The following MPPED2 variants were observed in gnomAD, a reference collection of about 807,000 sequenced individuals.
MPPED2 encodes metallophosphoesterase MPPED2.
Under a neutral mutation model 33.0 loss-of-function variants are expected in MPPED2, and 5 were observed. That is an observed-to-expected ratio of 0.15 (90% CI 0.08 to 0.32). The LOEUF is 0.32. MPPED2 is among the 10% of genes least tolerant of loss of function. The pLI, the probability that MPPED2 is intolerant of heterozygous loss-of-function variation, is 1.00. For synonymous variants in MPPED2, 136 were observed against 141.9 expected (o/e 0.96, Z 0.29); for missense variants, 275 against 372.1 (o/e 0.74, Z 2.15).
At chr11:30,397,571 A>G (rs1947853910) in intron 6 of MPPED2, among the ~76,000 whole-genome samples, 2 of 152,156 alleles carry the variant, frequency 1.3e-5, no homozygotes. Context: ...ACAACCACTG[A>G]CATTCATAAA....
intron 1 of MPPED2, among the ~76,000 whole-genome samples, chr11:30,580,892 C>G (rs980839787): frequency 1.3e-5 from 2 of 152,166 alleles, no homozygotes. Flanking sequence ...GTTGGTGTCA[C>G]GTAATCATTT....
Position 30,510,118 on chromosome 11 carries a change from A to G in MPPED2, c.311-14597T>C, listed in dbSNP as rs557514128. On this transcript the variant is annotated intron_variant, in intron 3 of 6. Transcript: ENST00000358117. ...ATAGTCACTCATTTCTTCTTATTTC[A>G]TAGACACAGAGGACTAATCAAATTT... Among the ~76,000 whole-genome samples, 18 of 152,294 alleles carry G rather than the reference A, an allele frequency of 1.2e-4. No individual in the cohort carries two copies. The South Asian group carries it at 3.7e-3, about 32-fold the overall frequency.
chr11:30,434,027 T>C (rs1389647965), intron 4 of MPPED2, among the ~76,000 whole-genome samples: 3 of 152,132 alleles, frequency 2.0e-5, no homozygotes, highest in South Asian at 2.1e-4. Flanking sequence ...TCTGCTTCTG[T>C]GGCCACAACT....
chr11:30,455,194 T>C (rs561411993), intron 4 of MPPED2, among the ~76,000 whole-genome samples: 14 of 152,342 alleles, frequency 9.2e-5, no homozygotes, highest in Admixed American at 3.3e-4. Context: ...ATTGCTGCAA[T>C]GACAGGTGAG....
chr11:30,474,333 C>T (rs1451159506), intron 4 of MPPED2, among the ~76,000 whole-genome samples: 2 of 152,158 alleles, frequency 1.3e-5, no homozygotes, highest in Non-Finnish European at 2.9e-5. Context: ...TGAGGTTCCT[C>T]TTAGTGACGT....
chr11:30,554,792 G>C (rs1030269926), intron 2 of MPPED2, among the ~76,000 whole-genome samples: 1 of 152,162 alleles, frequency 6.6e-6, no homozygotes, highest in African/African-American at 2.4e-5. Context: ...ACCATGCCCA[G>C]CCTGCACCAC....
At chr11:30,544,881 G>T (rs569474880) in intron 2 of MPPED2, among the ~76,000 whole-genome samples, 2 of 152,160 alleles carry the variant, frequency 1.3e-5, no homozygotes, top group Non-Finnish European at 2.9e-5. Flanking sequence ...GAAAAAAGAC[G>T]CATGAGAGTG....
At chr11:30,531,651 G>T (rs1954533027) in intron 3 of MPPED2, among the ~76,000 whole-genome samples, 1 of 152,126 alleles carries the variant, frequency 6.6e-6, no homozygotes, top group South Asian at 2.1e-4. Context: ...CTGTTCTTTG[G>T]AGCTTACATG....
chr11:30,545,129 G>A (rs1023817576), intron 2 of MPPED2, among the ~76,000 whole-genome samples: 3 of 152,130 alleles, frequency 2.0e-5, no homozygotes, highest in Non-Finnish European at 2.9e-5. Flanking sequence ...CTTGAACCTG[G>A]AGGGCATGGA....
chr11:30,470,447 T>A (rs1005684394), intron 4 of MPPED2, among the ~76,000 whole-genome samples: 1 of 152,148 alleles, frequency 6.6e-6, no homozygotes, highest in Non-Finnish European at 1.5e-5. Flanking sequence ...AAATGGCCAT[T>A]AGTAGAATTA....
intron 4 of MPPED2, among the ~76,000 whole-genome samples, chr11:30,489,792 T>C (rs1200693694): frequency 6.6e-6 from 1 of 152,226 alleles, no homozygotes; most frequent in Non-Finnish European, 1.5e-5. Flanking sequence ...TCTGTATTTC[T>C]GTTCAAGAGA....
At chr11:30,555,554 T>C (rs1955924950) in intron 2 of MPPED2, among the ~76,000 whole-genome samples, 1 of 152,158 alleles carries the variant, frequency 6.6e-6, no homozygotes, top group Admixed American at 6.5e-5. Flanking sequence ...GGGGCAGGTT[T>C]TTCCCGTGCC....
At chr11:30,433,276 C>A (rs938992795) in intron 4 of MPPED2, among the ~76,000 whole-genome samples, 11 of 152,168 alleles carry the variant, frequency 7.2e-5, no homozygotes, top group Non-Finnish European at 1.5e-4. Flanking sequence ...TTCTGAGATA[C>A]CCTGCAGAAA....
Position 30,583,767 on chromosome 11 carries a change from C to T in MPPED2, c.-122+2275G>A, listed in dbSNP as rs541453044. 2.6e-5 allele frequency among the ~76,000 whole-genome samples: 4 copies of T among 152,274 alleles called. No homozygotes were observed. The East Asian group carries it at 7.7e-4, about 29-fold the overall frequency. ...AGCAACAACTCATGACCTCTCTACC[C>T]CTGCACTGCCCAGCACAGCCTATGA... On this transcript the variant is annotated intron_variant, in intron 1 of 6. Coordinates refer to ENST00000358117, the MANE Select transcript of MPPED2 (RefSeq NM_001584.3).
In MPPED2 at chr11:30,417,371, T is replaced by C. The variant is rs74844295; in HGVS notation, c.652+147A>G. 3.5e-3 allele frequency: 1,928 copies of C among 549,028 alleles called. 34 individuals are homozygous for C. Among genetic ancestry groups the C allele is most frequent in the African/African-American group, 0.03 (1,587 of 52,400 alleles). 34.0% of individuals were successfully genotyped at this position (549,028 alleles called of 1,614,324 possible). On this transcript the variant is annotated intron_variant, in intron 5 of 6. Transcript: ENST00000358117. Reference sequence around the variant, plus strand: ...GAACTGCTGAGTTTAATTATCATACTGAGTTTCTTTAAAGACATTGACTTT... The same window carrying C: ...GAACTGCTGAGTTTAATTATCATACCGAGTTTCTTTAAAGACATTGACTTT...
rs78584544 is a variant in MPPED2, at chr11:30,501,752, A to G, written c.311-6231T>C. ...GATGAAAAGTTTAAGATCTCCAGCT[A>G]TGCACATGTCTGATGAACTCTATAA... On this transcript the variant is annotated intron_variant, in intron 3 of 6. Transcript: ENST00000358117. The G allele has an allele frequency of 1.8e-5, 4 of 218,706 alleles. No homozygotes were observed. The East Asian group carries it at 5.5e-4, about 30-fold the overall frequency. 13.5% of individuals were successfully genotyped at this position (218,706 alleles called of 1,614,324 possible). A position where few individuals can be genotyped will look rare whatever the true frequency, so the allele number is the denominator to read the frequency against.
chr11:30,426,259 A>T (rs1948831955), intron 4 of MPPED2, among the ~76,000 whole-genome samples: 1 of 152,210 alleles, frequency 6.6e-6, no homozygotes, highest in Non-Finnish European at 1.5e-5. Flanking sequence ...TCAGATAGTA[A>T]TAGTCCTTTT....
At chr11:30,451,817 A>T (rs1162622629) in intron 4 of MPPED2, 1 of 985,218 alleles carries the variant, frequency 1.0e-6, no homozygotes, top group African/African-American at 1.7e-5. Context: ...GATTAATTTC[A>T]CTGACTGACA....
At chr11:30,528,757 T>G (rs920891665) in intron 3 of MPPED2, among the ~76,000 whole-genome samples, 1 of 152,202 alleles carries the variant, frequency 6.6e-6, no homozygotes. Context: ...TGCATCCAGC[T>G]ATCGTCATCT....
Sources: gnomAD v4.1 joint callset for allele counts (sites outside exome capture counted in the v4.1 genomes callset) on GRCh38, gnomAD v4.1.1 for gene constraint, MANE v1.5 for transcripts, NCBI Gene and HGNC (gene_info 2026-07-23, HGNC 2026-07-21) for gene names.